The following SLC6A17 variants were observed in gnomAD, a reference collection of about 807,000 sequenced individuals.
SLC6A17 encodes solute carrier family 6 member 17.
Under a neutral mutation model 64.5 loss-of-function variants are expected in SLC6A17, and 21 were observed. The ratio of observed to expected loss-of-function variants is 0.33; its 90% CI spans 0.23 to 0.47. SLC6A17 has a LOEUF of 0.47. Among genes scored for constraint, SLC6A17 ranks in the 20% least tolerant of loss-of-function variants. The pLI is 1.00. For synonymous variants in SLC6A17, 372 were observed against 399.5 expected (o/e 0.93, Z 0.82); for missense variants, 682 against 963.2 (o/e 0.71, Z 3.86).
intron 2 of SLC6A17, 28 bp downstream of exon 2, chr1:110,167,243 G>C (rs1656091049): frequency 1.3e-6 from 2 of 1,592,204 alleles, no homozygotes; most frequent in Non-Finnish European, 1.7e-6. Flanking sequence ...CTGCATCAGG[G>C]GTCCCCTGCA....
Position 110,191,707 on chromosome 1 carries a change from G to A in SLC6A17, c.865-265G>A, listed in dbSNP as rs562796839. Among the ~76,000 whole-genome samples, 251 of 152,324 alleles carry A rather than the reference G, an allele frequency of 1.6e-3. 4 individuals carry two copies. The highest frequency in any genetic ancestry group is 5.9e-5 in the Non-Finnish European group (4 of 68,032). ...GGCTGCATGGGAAGCCATGGTAGCAGTTAAATTACTATGTAAGCACTCAGC... is the reference window on the plus strand; with the variant it reads ...GGCTGCATGGGAAGCCATGGTAGCAATTAAATTACTATGTAAGCACTCAGC... On this transcript the variant is annotated intron_variant, in intron 6 of 11. Coordinates refer to ENST00000331565, the MANE Select transcript of SLC6A17 (RefSeq NM_001010898.4).
Position 110,192,542 on chromosome 1 carries a change from C to T in SLC6A17, c.1143C>T (p.Asn381=), listed in dbSNP as rs140735560. The T allele has an allele frequency of 1.2e-5, 19 of 1,613,922 alleles. No individual in the cohort carries two copies. The Admixed American group carries it at 1.5e-4, about 13-fold the overall frequency. ...AAATCCTAGGGTACCTTAACACCAACGTCCTGAGCCGGGACCTCATCCCAC... is the reference window on the plus strand; with the variant it reads ...AAATCCTAGGGTACCTTAACACCAATGTCCTGAGCCGGGACCTCATCCCAC... ...AEKILGYLNT[N]VLSRDLIPPH... The change falls in exon 8 of 12, where the codon AAC becomes AAT. Residue 381 remains asparagine (N), a synonymous_variant. Transcript: ENST00000331565. This position sits in a 1 kb window ranked among gnomAD's most constrained non-coding sequence, Gnocchi z 4.3.
intron 1 of SLC6A17, among the ~76,000 whole-genome samples, chr1:110,162,837 A>G (rs1396283094): frequency 6.6e-6 from 1 of 152,106 alleles, no homozygotes; most frequent in East Asian, 1.9e-4. Context: ...TAAGACCAGT[A>G]CAATGTATCC....
chr1:110,173,906 G>A, intron 3 of SLC6A17, 67 bp from the exon 4 acceptor site: 6 of 1,526,910 alleles, frequency 3.9e-6, no homozygotes, highest in East Asian at 2.5e-5. Context: ...CTGGGCCTCG[G>A]GTGGAGCGTG....
chr1:110,171,953 G>A lies in SLC6A17; in HGVS notation c.287-107G>A, dbSNP rs143648032. The A allele has an allele frequency of 2.6e-4, 372 of 1,434,294 alleles. 2 individuals are homozygous for A. The African/African-American group carries it at 4.2e-3, about 16-fold the overall frequency. 88.8% of individuals were successfully genotyped at this position (1,434,294 alleles called of 1,614,324 possible). ...AGCACCGGGACTGGTGACAATTTGC[G>A]GATGACCAGAGATGTGGCTGAGACT... is the stretch of plus-strand genomic sequence containing the variant. On this transcript the variant is annotated intron_variant, in intron 2 of 11. Coordinates refer to ENST00000331565, the MANE Select transcript of SLC6A17 (RefSeq NM_001010898.4).
In SLC6A17 at chr1:110,185,646, G is replaced by T. The variant is rs148546799; in HGVS notation, c.865-6326G>T. On this transcript the variant is annotated intron_variant, in intron 6 of 11. Transcript: ENST00000331565. ...GCGAGCCGCCTTTTCTGAGGGAAAA[G>T]CCCATTGCCCATCCTCCTCTTGCAG... is the stretch of plus-strand genomic sequence containing the variant. Among the ~76,000 whole-genome samples the T allele has an allele frequency of 3.9e-3, 590 of 152,334 alleles. 3 individuals are homozygous for T. The highest frequency in any genetic ancestry group is 0.013 in the African/African-American group (544 of 41,568).
At chr1:110,173,071 G>A (rs1656284545) in intron 3 of SLC6A17, among the ~76,000 whole-genome samples, 1 of 152,242 alleles carries the variant, frequency 6.6e-6, no homozygotes, top group African/African-American at 2.4e-5. Context: ...ACTGGCCAAT[G>A]CCGTGTATTC....
In SLC6A17 at chr1:110,176,724, C is replaced by T. The variant is rs1656386625; in HGVS notation, c.849C>T (p.His283=). ...LLRGAVDGIL[H]MFTPKLDKML... ...GAGGGGCAGTTGATGGCATCCTACACATGTTCACTCCCAAGGTAAGGGTTT... is the reference window on the plus strand; with the variant it reads ...GAGGGGCAGTTGATGGCATCCTACATATGTTCACTCCCAAGGTAAGGGTTT... The change falls in exon 6 of 12, where the codon CAC becomes CAT. Residue 283 remains histidine, a synonymous_variant. Transcript: ENST00000331565. 2 of 1,613,618 alleles carry T rather than the reference C, an allele frequency of 1.2e-6. No homozygotes were observed. Among genetic ancestry groups the T allele is most frequent in the African/African-American group, 1.3e-5 (1 of 74,926 alleles).
At chr1:110,180,467 TG>T (rs1204032142) in intron 6 of SLC6A17, among the ~76,000 whole-genome samples, 1 of 152,142 alleles carries the variant, frequency 6.6e-6, no homozygotes, top group Non-Finnish European at 1.5e-5. Context: ...AAGGAAGCTC[TG>T]GGGGGCTCCA....
chr1:110,174,037 A>G lies in SLC6A17; in HGVS notation c.509A>G (p.Lys170Arg), dbSNP rs1204654047. Reference protein sequence around the residue: ...IIGWSIFYFFKSFQYPLPWSE... With the variant: ...IIGWSIFYFFRSFQYPLPWSE... ...GGGTGGAGCATCTTCTATTTCTTCAAGTCCTTCCAGTACCCGCTGCCCTGG... is the reference window on the plus strand; with the variant it reads ...GGGTGGAGCATCTTCTATTTCTTCAGGTCCTTCCAGTACCCGCTGCCCTGG... Residue 170 changes from lysine to arginine, a missense_variant, in exon 4 of 12, where the codon AAG becomes AGG. This residue lies in a region of SLC6A17 where 415 missense variants were observed against 603.8 expected (regional missense o/e 0.69). Transcript: ENST00000331565. 1.2e-6 allele frequency: 2 copies of G among 1,614,034 alleles called. No individual in the cohort carries two copies. Among genetic ancestry groups the G allele is most frequent in the Non-Finnish European group, 1.7e-6 (2 of 1,180,044 alleles).
intron 6 of SLC6A17, among the ~76,000 whole-genome samples, chr1:110,182,009 G>A (rs1263706798): frequency 3.3e-5 from 5 of 152,162 alleles, no homozygotes. Context: ...GACTTCTTAG[G>A]ACGATCATTC....
chr1:110,174,142 C>G (rs375877483), intron 4 of SLC6A17, 43 bp downstream of exon 4: 1 of 1,605,978 alleles, frequency 6.2e-7, no homozygotes, highest in Non-Finnish European at 8.5e-7. Context: ...AGCCCTGTCC[C>G]AGGAAGGGGT....
At chr1:110,187,168 G>A (rs1183521314) in intron 6 of SLC6A17, among the ~76,000 whole-genome samples, 1 of 152,152 alleles carries the variant, frequency 6.6e-6, no homozygotes, top group Non-Finnish European at 1.5e-5. Flanking sequence ...TAGATTAAAT[G>A]TAAAAGTTTA....
intron 1 of SLC6A17, among the ~76,000 whole-genome samples, chr1:110,162,568 G>C (rs1016208222): frequency 6.6e-6 from 1 of 152,162 alleles, no homozygotes; most frequent in Non-Finnish European, 1.5e-5. Flanking sequence ...CGGGAAGAGA[G>C]GAATCGCCCC....
intron 1 of SLC6A17, among the ~76,000 whole-genome samples, chr1:110,154,681 G>A (rs765980125): frequency 4.6e-4 from 70 of 152,180 alleles, no homozygotes; most frequent in Non-Finnish European, 9.7e-4. Context: ...GGGTTCGTGT[G>A]TAGAGCAGTG....
chr1:110,184,414 G>A (rs569899658), intron 6 of SLC6A17, among the ~76,000 whole-genome samples: 16 of 152,318 alleles, frequency 1.1e-4, no homozygotes, highest in African/African-American at 3.6e-4. Flanking sequence ...CCAGAAGCCC[G>A]TGTTTTACAA....
intron 6 of SLC6A17, among the ~76,000 whole-genome samples, chr1:110,177,402 G>A (rs1410761344): frequency 6.6e-6 from 1 of 152,162 alleles, no homozygotes; most frequent in Non-Finnish European, 1.5e-5. Flanking sequence ...GCAGAGGCAC[G>A]GGCATCCTGA....
At chr1:110,186,688 C>T (rs556603921) in intron 6 of SLC6A17, among the ~76,000 whole-genome samples, 15 of 152,208 alleles carry the variant, frequency 9.9e-5, no homozygotes, top group South Asian at 2.1e-4. Context: ...CTCTCGCTCC[C>T]GACTCTTTCC....
chr1:110,186,679 TC>T (rs1269333767), intron 6 of SLC6A17, among the ~76,000 whole-genome samples: 4 of 120,954 alleles, frequency 3.3e-5, no homozygotes, highest in Non-Finnish European at 3.8e-5. Context: ...TCTCTCTCTC[TC>T]TCGCTCCCGA....
Sources: gnomAD v4.1 joint callset for allele counts (sites outside exome capture counted in the v4.1 genomes callset) on GRCh38, gnomAD v4.1.1 for gene constraint, gnomAD v4.1.1 regional missense constraint, Gnocchi (gnomAD v3.1) non-coding constraint, MANE v1.5 for transcripts, NCBI Gene and HGNC (gene_info 2026-07-23, HGNC 2026-07-21) for gene names.